SDR42E2: variants seen among roughly 807,000 people sequenced by gnomAD.
SDR42E2 encodes the protein putative short-chain dehydrogenase/reductase family 42E member 2.
SDR42E2 carries 20 observed loss-of-function variants against 10.5 expected under a neutral mutation model. The ratio of observed to expected loss-of-function variants is 1.90; its 90% CI spans 1.34 to 2.77. The LOEUF is 2.77. Ranked by LOEUF, SDR42E2 falls within the 30% of genes most tolerant of loss-of-function variation. SDR42E2 has a pLI of 0.00. For missense variants in SDR42E2, 162 were observed against 104.2 expected, an observed-to-expected ratio of 1.55 and a Z score of -2.42; for synonymous variants, 72 against 39.2, an observed-to-expected ratio of 1.84 and a Z score of -3.12.
chr16:22,176,446 C>T (rs937491182), intron 7 of SDR42E2, among the ~76,000 whole-genome samples: 5 of 152,178 alleles, frequency 3.3e-5, no homozygotes, highest in South Asian at 2.1e-4. Context: ...GTATCCCTTA[C>T]GCTCTAAACT....
At chr16:22,178,314 G>C in intron 8 of SDR42E2, 102 bp downstream of exon 8, 4 of 633,986 alleles carry the variant, frequency 6.3e-6, no homozygotes, top group Non-Finnish European at 8.6e-6. Flanking sequence ...TCAGTCTCGA[G>C]GCTAAGTGTC....
intron 11 of SDR42E2, among the ~76,000 whole-genome samples, chr16:22,185,710 C>A (rs896546248): frequency 6.6e-6 from 1 of 152,056 alleles, no homozygotes; most frequent in Non-Finnish European, 1.5e-5. Flanking sequence ...TGGGCTCAAG[C>A]AATTCTCTGC....
chr16:22,190,418 G>C lies in SDR42E2; in HGVS notation c.*25G>C, dbSNP rs775590916. On this transcript the variant is annotated 3_prime_UTR_variant, in exon 13 of 13. Transcript: ENST00000602312. ...ACCGTCCGCCGTCCGCCGCCCGCTA[G>C]GGTCGGCCCCGCTGCACCCTCGCCC... The C allele has an allele frequency of 6.0e-5, 24 of 401,284 alleles. No homozygotes were observed. Among genetic ancestry groups the C allele is most frequent in the African/African-American group, 4.5e-4 (22 of 48,532 alleles). The allele number at this position is 401,284 out of a possible 1,614,324, so 24.9% of individuals were successfully genotyped here. A position where few individuals can be genotyped will look rare whatever the true frequency, so the allele number is the denominator to read the frequency against.
chr16:22,172,071 C>T (rs2046606097), intron 6 of SDR42E2, among the ~76,000 whole-genome samples, 185 bp from the exon 7 acceptor site: 1 of 152,170 alleles, frequency 6.6e-6, no homozygotes, highest in South Asian at 2.1e-4. Flanking sequence ...CTCCTCTGCT[C>T]CTGTGGCTCT....
At chr16:22,188,817 A>AGTTT (rs1254386550) in intron 12 of SDR42E2, among the ~76,000 whole-genome samples, 4 of 151,964 alleles carry the variant, frequency 2.6e-5, no homozygotes, top group Admixed American at 6.6e-5. Flanking sequence ...TTGACTTTAT[A>AGTTT]GCCTTTTATG....
chr16:22,178,132 G>A lies in SDR42E2; in HGVS notation c.592G>A (p.Gly198Arg). ...LMANGMPLPG[G>R]GTLRTCVLRP... Reference sequence around the variant, plus strand: ...GACCACGCTTCCCTGTGTGCTAGGAGGAGGCACTCTTCGGACGTGTGTGCT... The same window carrying A: ...GACCACGCTTCCCTGTGTGCTAGGAAGAGGCACTCTTCGGACGTGTGTGCT... The change falls in exon 8 of 13, where the codon GGA becomes AGA. Residue 198 changes from glycine to arginine, a missense_variant and splice_region_variant. Coordinates refer to ENST00000602312, the MANE Select transcript of SDR42E2 (RefSeq NM_001394319.2). The A allele has an allele frequency of 2.8e-6, 2 of 702,778 alleles. No homozygotes were observed. The highest frequency in any genetic ancestry group is 2.3e-4 in the Middle Eastern group (1 of 4,366). The allele number at this position is 702,778 out of a possible 1,614,324, so 43.5% of individuals were successfully genotyped here. A position where few individuals can be genotyped will look rare whatever the true frequency, so the allele number is the denominator to read the frequency against.
intron 4 of SDR42E2, among the ~76,000 whole-genome samples, chr16:22,167,633 T>C (rs2046555115): frequency 6.6e-6 from 1 of 152,174 alleles, no homozygotes; most frequent in African/African-American, 2.4e-5. Context: ...CCAAAACATA[T>C]GTATACCCGT....
intron 6 of SDR42E2, 126 bp from the exon 7 acceptor site, chr16:22,172,130 G>A (rs1201515870): frequency 3.1e-6 from 2 of 651,028 alleles, no homozygotes; most frequent in Non-Finnish European, 5.6e-6. Context: ...AAAGGCCATG[G>A]GGCTCAGGGC....
chr16:22,164,938 GT>G (rs1206248900), intron 1 of SDR42E2, among the ~76,000 whole-genome samples: 1 of 152,208 alleles, frequency 6.6e-6, no homozygotes, highest in Admixed American at 6.5e-5. Context: ...TAAGGAACTG[GT>G]AGATAAGTCA....
Position 22,182,275 on chromosome 16 carries a change from C to T in SDR42E2, c.874C>T (p.Leu292=). The T allele has an allele frequency of 2.5e-6, 1 of 401,522 alleles. No individual in the cohort carries two copies. Among genetic ancestry groups the T allele is most frequent in the East Asian group, 3.6e-5 (1 of 28,080 alleles). The allele number at this position is 401,522 out of a possible 1,614,324, so 24.9% of individuals were successfully genotyped here. A position where few individuals can be genotyped will look rare whatever the true frequency, so the allele number is the denominator to read the frequency against. ...SVNLFEWMAP[L]FEKLGYSQPW... ...CAACCTCTTTGAGTGGATGGCCCCA[C>T]TGGTAGGTGCACAGATGCCCACCCA... Residue 292 remains leucine, a splice_region_variant and synonymous_variant, in exon 10 of 13, where the codon CTG becomes TTG. Transcript: ENST00000602312.
chr16:22,167,862 A>C (rs2046557054), intron 4 of SDR42E2, among the ~76,000 whole-genome samples: 1 of 152,202 alleles, frequency 6.6e-6, no homozygotes, highest in Non-Finnish European at 1.5e-5. Flanking sequence ...TTGTTTCCAA[A>C]AAAAGCTAAA....
intron 12 of SDR42E2, among the ~76,000 whole-genome samples, chr16:22,187,683 A>C (rs1251198571): frequency 2.0e-5 from 3 of 152,086 alleles, no homozygotes; most frequent in African/African-American, 7.2e-5. Flanking sequence ...CCTGGCTCAG[A>C]ATACTATTCT....
At chr16:22,181,146 CTA>C (rs1460419254) in intron 8 of SDR42E2, among the ~76,000 whole-genome samples, 1 of 152,150 alleles carries the variant, frequency 6.6e-6, no homozygotes, top group Non-Finnish European at 1.5e-5. Flanking sequence ...TAGCGAGAAG[CTA>C]TCAGATTCTG....
At chr16:22,169,639 C>T in intron 5 of SDR42E2, 137 bp downstream of exon 5, 1 of 670,958 alleles carries the variant, frequency 1.5e-6, no homozygotes, top group Non-Finnish European at 2.7e-6. Context: ...TGCAGACCTC[C>T]CCAGGGCCCT....
intron 7 of SDR42E2, among the ~76,000 whole-genome samples, chr16:22,177,366 C>T (rs555385730): frequency 6.6e-6 from 1 of 152,264 alleles, no homozygotes; most frequent in East Asian, 1.9e-4. Context: ...GTGGCTCATG[C>T]CTGTAATACT....
intron 11 of SDR42E2, among the ~76,000 whole-genome samples, chr16:22,185,797 G>A (rs994103077): frequency 1.3e-5 from 2 of 152,010 alleles, no homozygotes; most frequent in Non-Finnish European, 2.9e-5. Context: ...GTAGAGATGG[G>A]GGTCTTGCTA....
intron 7 of SDR42E2, among the ~76,000 whole-genome samples, chr16:22,175,536 C>T (rs2046637115): frequency 6.7e-6 from 1 of 149,594 alleles, no homozygotes; most frequent in Non-Finnish European, 1.5e-5. Flanking sequence ...GGCTACACTC[C>T]TTCCTTTTTT....
rs1164067136 is a variant in SDR42E2, at chr16:22,186,774, C to T, written c.994C>T (p.Pro332Ser). Residue 332 changes from proline to serine, a missense_variant, in exon 12 of 13, where the codon CCG becomes TCG. Physicochemically the swap from Pro to Ser is moderately conservative, Grantham distance 74. Transcript: ENST00000602312. The stretch of plus-strand genomic sequence containing the variant: ...CCTGAGACCCATCTGCAGCCTCCCA[C>T]CGCTGCTCACTCGTAGTGAGGTAAG... The part of the protein sequence containing the change: ...LALRPICSLP[P>S]LLTRSEVRSV... 5.0e-6 allele frequency: 2 copies of T among 400,420 alleles called. No homozygotes were observed. Among genetic ancestry groups the T allele is most frequent in the East Asian group, 3.6e-5 (1 of 28,042 alleles). 24.8% of individuals were successfully genotyped at this position (400,420 alleles called of 1,614,324 possible). A position where few individuals can be genotyped will look rare whatever the true frequency, so the allele number is the denominator to read the frequency against.
At chr16:22,167,629 C>A (rs1437401737) in intron 4 of SDR42E2, among the ~76,000 whole-genome samples, 1 of 152,138 alleles carries the variant, frequency 6.6e-6, no homozygotes, top group South Asian at 2.1e-4. Flanking sequence ...TCCACCAAAA[C>A]ATATGTATAC....
Sources: gnomAD v4.1 joint callset for allele counts (sites outside exome capture counted in the v4.1 genomes callset) on GRCh38, gnomAD v4.1.1 for gene constraint, MANE v1.5 for transcripts, NCBI Gene and HGNC (gene_info 2026-07-23, HGNC 2026-07-21) for gene names.